Variants in HS3ST5 observed in about 807,000 individuals in gnomAD.
HS3ST5 encodes the protein heparan sulfate-glucosamine 3-sulfotransferase 5, also known as heparan sulfate glucosamine 3-O-sulfotransferase 5.
In HS3ST5, 10 loss-of-function variants were observed where a neutral mutation model predicts 25.4. The ratio of observed to expected loss-of-function variants is 0.39; its 90% CI spans 0.24 to 0.67. The LOEUF (loss-of-function observed/expected upper bound fraction) is 0.67. HS3ST5 is among the 30% of genes least tolerant of loss of function. The probability of loss-of-function intolerance (pLI) is 0.44; values close to 1 mark genes in which losing one functional copy is unlikely to be tolerated. For missense variants in HS3ST5, 324 were observed against 420.7 expected, an observed-to-expected ratio of 0.77 and a Z score of 2.01; for synonymous variants, 170 against 162.4, an observed-to-expected ratio of 1.05 and a Z score of -0.36.
chr6:114,303,919 A>C (rs1463955174), intron 1 of HS3ST5, among the ~76,000 whole-genome samples: 1 of 152,176 alleles, frequency 6.6e-6, no homozygotes. Context: ...TAAAAAATGC[A>C]TGTCACTGAG....
intron 2 of HS3ST5, among the ~76,000 whole-genome samples, chr6:114,228,094 T>G (rs559034947): frequency 6.6e-6 from 1 of 152,120 alleles, no homozygotes; most frequent in South Asian, 2.1e-4. Flanking sequence ...GGAACTAGAT[T>G]GTATTGAATG....
intron 2 of HS3ST5, among the ~76,000 whole-genome samples, chr6:114,193,174 C>A (rs1433177518): frequency 6.6e-6 from 1 of 152,180 alleles, no homozygotes; most frequent in East Asian, 1.9e-4. Flanking sequence ...GGGTGGAACC[C>A]TGGAGATGAA....
intron 1 of HS3ST5, among the ~76,000 whole-genome samples, chr6:114,238,255 C>T (rs772242428): frequency 2.6e-5 from 4 of 152,160 alleles, no homozygotes; most frequent in Non-Finnish European, 4.4e-5. Flanking sequence ...CAGTTGGTGG[C>T]TCTTGCTTTT....
Position 114,299,541 on chromosome 6 carries a change from C to T in HS3ST5, c.-339+42654G>A, listed in dbSNP as rs566253323. Among the ~76,000 whole-genome samples the T allele has an allele frequency of 6.4e-4, 97 of 152,134 alleles. No homozygotes were observed. The South Asian group carries it at 6.9e-3, about 11-fold the overall frequency. On this transcript the variant is annotated intron_variant, in intron 1 of 4. Coordinates refer to ENST00000312719, the MANE Select transcript of HS3ST5 (RefSeq NM_153612.4). The stretch of plus-strand genomic sequence containing the variant: ...GCTCCTGGGGCATCACGGAACCTAC[C>T]GACATGTGATGTCTCCCCCGGATGC...
chr6:114,171,573 G>C (rs890566505), intron 2 of HS3ST5, among the ~76,000 whole-genome samples: 1 of 152,162 alleles, frequency 6.6e-6, no homozygotes, highest in Non-Finnish European at 1.5e-5. Context: ...CTGAATATGT[G>C]TTCGGCACTG....
intron 1 of HS3ST5, chr6:114,340,448 A>C (rs1436782930): frequency 6.6e-5 from 10 of 152,222 alleles, no homozygotes; most frequent in Admixed American, 6.5e-4. Flanking sequence ...AAAACACTGG[A>C]GGCGGTTAAA....
intron 1 of HS3ST5, among the ~76,000 whole-genome samples, chr6:114,301,071 A>G (rs1226017877): frequency 1.3e-5 from 2 of 152,164 alleles, no homozygotes; most frequent in East Asian, 3.9e-4. Flanking sequence ...AATGTTCTAG[A>G]ATAAAATGTT....
At chr6:114,315,259 T>G (rs1775700701) in intron 1 of HS3ST5, among the ~76,000 whole-genome samples, 1 of 152,190 alleles carries the variant, frequency 6.6e-6, no homozygotes, top group African/African-American at 2.4e-5. Flanking sequence ...TTAACAGAAC[T>G]GCTGCACATA....
chr6:114,339,661 A>G (rs1776746405), intron 1 of HS3ST5, among the ~76,000 whole-genome samples: 1 of 152,208 alleles, frequency 6.6e-6, no homozygotes, highest in South Asian at 2.1e-4. Context: ...AATCACACAC[A>G]GAAAGCCAGA....
At chr6:114,178,423 A>G (rs139598364) in intron 2 of HS3ST5, among the ~76,000 whole-genome samples, 73 of 152,376 alleles carry the variant, frequency 4.8e-4, no homozygotes, top group African/African-American at 1.7e-3. Context: ...TTATTTATGC[A>G]GCAAAAGTTC....
chr6:114,257,997 G>C lies in HS3ST5; in HGVS notation c.-338-29219C>G, dbSNP rs1037523365. Among the ~76,000 whole-genome samples, 5 of 152,242 alleles carry C rather than the reference G, an allele frequency of 3.3e-5. No individual in the cohort carries two copies. In the Middle Eastern group the frequency reaches 0.017, roughly 518 times the overall value. The stretch of plus-strand genomic sequence containing the variant: ...TGGTCTCAAACTCTTGACCCCAAGG[G>C]ATCCTCCTGCCTTGGCCTCCCAAAG... On this transcript the variant is annotated intron_variant, in intron 1 of 4. Transcript: ENST00000312719.
chr6:114,080,751 A>G (rs564640544), intron 3 of HS3ST5, among the ~76,000 whole-genome samples: 7 of 152,184 alleles, frequency 4.6e-5, no homozygotes, highest in Non-Finnish European at 1.0e-4. Flanking sequence ...GGACAAAAAC[A>G]TAGGAACAAT....
At chr6:114,144,359 T>G (rs1778052291) in intron 3 of HS3ST5, among the ~76,000 whole-genome samples, 1 of 143,474 alleles carries the variant, frequency 7.0e-6, no homozygotes, top group South Asian at 2.1e-4. Flanking sequence ...CACCAGTCAT[T>G]GTTCAAAGAT....
chr6:114,331,917 G>T (rs573313014), intron 1 of HS3ST5, among the ~76,000 whole-genome samples: 172 of 151,952 alleles, frequency 1.1e-3, no homozygotes, highest in Non-Finnish European at 1.6e-3. Context: ...TCATTAAGTG[G>T]CTACTAATAA....
chr6:114,068,802 C>A (rs1273201899), intron 3 of HS3ST5, among the ~76,000 whole-genome samples: 2 of 152,116 alleles, frequency 1.3e-5, no homozygotes, highest in African/African-American at 2.4e-5. Flanking sequence ...TAAGCTCCCC[C>A]CATCCACAGT....
chr6:114,325,927 T>C (rs146344781), intron 1 of HS3ST5, among the ~76,000 whole-genome samples: 289 of 152,346 alleles, frequency 1.9e-3, no homozygotes, highest in African/African-American at 6.7e-3. Context: ...GGCAATATTT[T>C]AGCATGCTTA....
At chr6:114,164,920 C>T (rs542386608) in intron 3 of HS3ST5, among the ~76,000 whole-genome samples, 2 of 152,260 alleles carry the variant, frequency 1.3e-5, no homozygotes, top group East Asian at 3.9e-4. Flanking sequence ...AATACATTTA[C>T]TTCCCTTCAA....
chr6:114,223,119 A>G (rs951584383), intron 2 of HS3ST5, among the ~76,000 whole-genome samples: 27 of 151,826 alleles, frequency 1.8e-4, no homozygotes, highest in African/African-American at 6.3e-4. Flanking sequence ...TATATAATAA[A>G]GGCCAAGTGT....
At chr6:114,186,077 C>T (rs1414201244) in intron 2 of HS3ST5, among the ~76,000 whole-genome samples, 1 of 151,962 alleles carries the variant, frequency 6.6e-6, no homozygotes, top group Non-Finnish European at 1.5e-5. Context: ...GCCATTCCCC[C>T]TATCTCGCTT....
Sources: gnomAD v4.1 joint callset for allele counts (sites outside exome capture counted in the v4.1 genomes callset) on GRCh38, gnomAD v4.1.1 for gene constraint, MANE v1.5 for transcripts, NCBI Gene and HGNC (gene_info 2026-07-23, HGNC 2026-07-21) for gene names.